Variants in JAK2 observed in about 807,000 individuals in gnomAD.
The protein encoded by JAK2 is tyrosine-protein kinase JAK2.
A neutral mutation model predicts 139.3 loss-of-function variants in JAK2; 86 were observed. That is an observed-to-expected ratio of 0.62 (90% CI 0.52 to 0.74). The LOEUF (loss-of-function observed/expected upper bound fraction) is 0.74. JAK2 is among the 30% of genes least tolerant of loss of function. The pLI is 0.00. For synonymous variants in JAK2, 490 were observed against 437.7 expected, an observed-to-expected ratio of 1.12 and a Z score of -1.49; for missense variants, 1,421 against 1,360.3, an observed-to-expected ratio of 1.04 and a Z score of -0.70.
Position 5,128,012 on chromosome 9 carries a change from C to T in JAK2, c.*1221C>T, listed in dbSNP as rs566526825. On this transcript the variant is annotated 3_prime_UTR_variant, in exon 25 of 25. Coordinates refer to ENST00000381652, the MANE Select transcript of JAK2 (RefSeq NM_004972.4). ...TTTCAATTAAGTATAAGGGGTTGTT[C>T]GTTGTTGTCATTTGTTATAGTGCTA... 4.3e-6 allele frequency: 1 copy of T among 230,372 alleles called. No individual in the cohort carries two copies. The allele number at this position is 230,372 out of a possible 1,614,324, so 14.3% of individuals were successfully genotyped here.
intron 18 of JAK2, among the ~76,000 whole-genome samples, chr9:5,081,475 A>C (rs1819698080): frequency 6.6e-6 from 1 of 152,144 alleles, no homozygotes; most frequent in Non-Finnish European, 1.5e-5. Context: ...ATATTACCTT[A>C]CTTTATGAAT....
chr9:5,056,872 T>C lies in JAK2; in HGVS notation c.1056+1084T>C, dbSNP rs185768583. Among the ~76,000 whole-genome samples, 34 of 152,324 alleles carry C rather than the reference T, an allele frequency of 2.2e-4. 1 individual carries two copies. The highest frequency in any genetic ancestry group is 3.4e-3 in the Middle Eastern group (1 of 294). On this transcript the variant is annotated intron_variant, in intron 8 of 24. Transcript: ENST00000381652. ...AAGTCTGCAATACAGAGAAGTTAAG[T>C]AACTTTCCAAGGGCACAGTGTTAGT...
chr9:5,006,527 C>A (rs1408850594), intron 2 of JAK2, among the ~76,000 whole-genome samples: 1 of 152,136 alleles, frequency 6.6e-6, no homozygotes, highest in Admixed American at 6.5e-5. Context: ...TTAATTGACT[C>A]ATGGTTCCAT....
chr9:5,041,932 T>A, intron 4 of JAK2: 1 of 388,880 alleles, frequency 2.6e-6, no homozygotes. Context: ...GAAATGCTGC[T>A]GTTTCTTCCC....
At chr9:5,061,173 C>G (rs1266383111) in intron 8 of JAK2, among the ~76,000 whole-genome samples, 1 of 152,206 alleles carries the variant, frequency 6.6e-6, no homozygotes, top group Non-Finnish European at 1.5e-5. Flanking sequence ...GCATAATTCG[C>G]AGAGCCCTGG....
At chr9:5,089,537 CAAAAAAAAA>C (rs58042774) in intron 19 of JAK2, 128 bp from the exon 20 acceptor site, 184 of 87,054 alleles carry the variant, frequency 2.1e-3, no homozygotes, top group Admixed American at 6.1e-3. Flanking sequence ...GACTTCGTCT[CAAAAAAAAA>C]AAAAAAAAAA....
At chr9:5,062,356 G>A (rs542251765) in intron 8 of JAK2, among the ~76,000 whole-genome samples, 14 of 151,984 alleles carry the variant, frequency 9.2e-5, no homozygotes, top group East Asian at 3.9e-4. Flanking sequence ...ACAAATCACC[G>A]TAACAGGTAT....
At chr9:5,097,259 C>T (rs1244901550) in intron 22 of JAK2, 1 of 152,216 alleles carries the variant, frequency 6.6e-6, no homozygotes, top group African/African-American at 2.4e-5. Flanking sequence ...CTCTCTCAGT[C>T]CTAGCCGCTG....
At position 5,090,784 on chromosome 9, in the gene JAK2, G is replaced by T. The variant is rs1423328208; in HGVS notation, c.2932G>T (p.Ala978Ser). ...GTKRYIHRDL[A>S]TRNILVENEN... ...AAAAAGGTATATCCACAGGGATCTG[G>T]CAACGAGAAATATATTGGTGGAGAA... Residue 978 changes from alanine to serine, a missense_variant, in exon 22 of 25, where the codon GCA becomes TCA. Coordinates refer to ENST00000381652, the MANE Select transcript of JAK2 (RefSeq NM_004972.4). 6.2e-7 allele frequency: 1 copy of T among 1,613,166 alleles called. No individual in the cohort carries two copies. The highest frequency in any genetic ancestry group is 2.2e-5 in the East Asian group (1 of 44,786).
rs527469789 is a variant in JAK2, at chr9:5,103,140, C to T, written c.3059+12229C>T. Among the ~76,000 whole-genome samples, 10 of 135,622 alleles carry T rather than the reference C, an allele frequency of 7.4e-5. No homozygotes were observed. In the East Asian group the frequency reaches 2.4e-3, roughly 33 times the overall value. 89.0% of individuals were successfully genotyped at this position (135,622 alleles called of 152,430 possible). On this transcript the variant is annotated intron_variant, in intron 22 of 24. Coordinates refer to ENST00000381652, the MANE Select transcript of JAK2 (RefSeq NM_004972.4). ...TGAAGACCCATCACTGTGCTGTATT[C>T]AGGAGACCAATCTCATGTGCAGAGA...
chr9:4,995,513 C>T (rs956051964), intron 2 of JAK2, among the ~76,000 whole-genome samples: 1 of 152,150 alleles, frequency 6.6e-6, no homozygotes, highest in Non-Finnish European at 1.5e-5. Flanking sequence ...TCAGATAATC[C>T]TTCTTTTCTC....
At position 5,123,138 on chromosome 9, in the gene JAK2, T is replaced by C. The variant is rs1823741734; in HGVS notation, c.3177+17T>C. 1 of 1,503,244 alleles carries C rather than the reference T, an allele frequency of 6.7e-7. No individual in the cohort carries two copies. The highest frequency in any genetic ancestry group is 9.1e-7 in the Non-Finnish European group (1 of 1,098,344). 93.1% of individuals were successfully genotyped at this position (1,503,244 alleles called of 1,614,324 possible). A position where few individuals can be genotyped will look rare whatever the true frequency, so the allele number is the denominator to read the frequency against. On this transcript the variant is annotated intron_variant, in intron 23 of 24. Coordinates refer to ENST00000381652, the MANE Select transcript of JAK2 (RefSeq NM_004972.4). ...CCACCAGCGGTCAGTGTGCTTTTTA[T>C]TTACTTTCAGTTTTTTGTTTGTTCG...
chr9:5,029,463 A>G (rs1822996521), intron 3 of JAK2, among the ~76,000 whole-genome samples: 2 of 152,228 alleles, frequency 1.3e-5, no homozygotes, highest in African/African-American at 4.8e-5. Flanking sequence ...CAAAGTGAGC[A>G]CGTGCTGTTG....
chr9:5,089,223 A>G (rs2130670305), intron 19 of JAK2, among the ~76,000 whole-genome samples: 1 of 152,268 alleles, frequency 6.6e-6, no homozygotes, highest in Non-Finnish European at 1.5e-5. Context: ...TCTTGTTCTA[A>G]GAGTTCCTTA....
At position 5,090,459 on chromosome 9, in the gene JAK2, A is replaced by AAAATT; in HGVS notation, c.2778_2782dup (p.Ile928AsnfsTer2). The AAAATT allele has an allele frequency of 2.6e-6, 4 of 1,564,424 alleles. No homozygotes were observed. Among genetic ancestry groups the AAAATT allele is most frequent in the Non-Finnish European group, 3.5e-6 (4 of 1,154,026 alleles). On this transcript the variant is annotated frameshift_variant, in exon 21 of 25. Transcript: ENST00000381652. LOFTEE classifies it high-confidence loss of function. ...TTATGTTAAAAGGTCGGCGTAATCTAAAATTAATTATGGAATATTTACCAT... is the reference window on the plus strand; with the variant it reads ...TTATGTTAAAAGGTCGGCGTAATCTAAAATTAAATTAATTATGGAATATTTACCAT...
At position 5,129,570 on chromosome 9, in the gene JAK2, C is replaced by A. The variant is rs1824210678; in HGVS notation, c.*2779C>A. ...TGCTGTATATTAGAATAAATAGTAA[C>A]AGTAAGTCAGCAGGATTATCCAAAC... On this transcript the variant is annotated 3_prime_UTR_variant, in exon 25 of 25. Coordinates refer to ENST00000381652, the MANE Select transcript of JAK2 (RefSeq NM_004972.4). Among the ~76,000 whole-genome samples the A allele has an allele frequency of 6.6e-6, 1 of 151,984 alleles. No individual in the cohort carries two copies.
Position 5,003,902 on chromosome 9 carries a change from C to T in JAK2, c.-26+17880C>T, listed in dbSNP as rs1381705361. On this transcript the variant is annotated intron_variant, in intron 2 of 24. Transcript: ENST00000381652. ...TAGTTTGAGATTTTAAAATCATGAA[C>T]ATTGGTTAAATTTTATTAGGAGTAG... Among the ~76,000 whole-genome samples, 3 of 152,032 alleles carry T rather than the reference C, an allele frequency of 2.0e-5. No individual in the cohort carries two copies. The East Asian group carries it at 5.8e-4, about 29-fold the overall frequency.
At chr9:5,031,947 G>T (rs765126860) in intron 4 of JAK2, among the ~76,000 whole-genome samples, 5 of 152,242 alleles carry the variant, frequency 3.3e-5, no homozygotes, top group Admixed American at 6.5e-5. Context: ...AGCATGAGCC[G>T]AAGCAGGGCG....
At chr9:5,044,195 T>C (rs1816830122) in intron 4 of JAK2, among the ~76,000 whole-genome samples, 1 of 152,242 alleles carries the variant, frequency 6.6e-6, no homozygotes, top group African/African-American at 2.4e-5. Flanking sequence ...AGGTAGTATA[T>C]TGATTTTACA....
Sources: gnomAD v4.1 joint callset for allele counts (sites outside exome capture counted in the v4.1 genomes callset) on GRCh38, gnomAD v4.1.1 for gene constraint, MANE v1.5 for transcripts, NCBI Gene and HGNC (gene_info 2026-07-23, HGNC 2026-07-21) for gene names.